Variants in SLC30A8 observed in about 807,000 individuals in gnomAD.
SLC30A8 encodes solute carrier family 30 member 8, also known as proton-coupled zinc antiporter SLC30A8.
SLC30A8 carries 27 observed loss-of-function variants against 36.9 expected under a neutral mutation model. That is an observed-to-expected ratio of 0.73 (90% confidence interval 0.54 to 1.01). The LOEUF is 1.01. Ranked by LOEUF, SLC30A8 falls within the 50% of genes least tolerant of loss-of-function variation. The probability of loss-of-function intolerance (pLI) is 0.00; values close to 1 mark genes in which losing one functional copy is unlikely to be tolerated. For synonymous variants in SLC30A8, 164 were observed against 172.4 expected (o/e 0.95, Z 0.38); for missense variants, 439 against 452.0 (o/e 0.97, Z 0.26).
At chr8:117,119,046 A>G (rs1423226721) in intron 2 of SLC30A8, among the ~76,000 whole-genome samples, 1 of 151,828 alleles carries the variant, frequency 6.6e-6, no homozygotes, top group Non-Finnish European at 1.5e-5. Flanking sequence ...TTTGGCTCCC[A>G]TGGTAAGGAA....
rs529353170 is a variant in SLC30A8, at chr8:117,062,810, G to A, written c.-226+23552G>A. 4.6e-5 allele frequency among the ~76,000 whole-genome samples: 7 copies of A among 152,324 alleles called. No individual in the cohort carries two copies. The East Asian group carries it at 1.2e-3, about 25-fold the overall frequency. On this transcript the variant is annotated intron_variant, in intron 2 of 10. Coordinates refer to the SLC30A8 transcript ENST00000427715. ...TCTTCCTCTCTCTTACTGCAGGGCC[G>A]AGTCTCTTTGATGGCTGTGATCTCA...
chr8:117,126,614 C>T (rs1435458263), intron 2 of SLC30A8, among the ~76,000 whole-genome samples: 1 of 151,854 alleles, frequency 6.6e-6, no homozygotes. Flanking sequence ...AAAATATATT[C>T]TTCACCCATG....
intron 1 of SLC30A8, among the ~76,000 whole-genome samples, chr8:117,027,490 T>G (rs1489282679): frequency 6.6e-6 from 1 of 152,228 alleles, no homozygotes; most frequent in East Asian, 1.9e-4. Flanking sequence ...GTTGTTTATT[T>G]ACTTGTTAAT....
intron 1 of SLC30A8, among the ~76,000 whole-genome samples, chr8:117,011,110 C>A (rs149437233): frequency 1.1e-3 from 161 of 152,192 alleles, no homozygotes; most frequent in Non-Finnish European, 1.8e-3. Context: ...GGCTACAGCC[C>A]GAGAGAACGA....
At chr8:117,171,624 C>T (rs1823392983) in intron 7 of SLC30A8, among the ~76,000 whole-genome samples, 1 of 152,110 alleles carries the variant, frequency 6.6e-6, no homozygotes, top group Non-Finnish European at 1.5e-5. Context: ...AATGGATGTG[C>T]TAATAGGAAT....
At chr8:117,008,912 C>T (rs946084328) in intron 1 of SLC30A8, among the ~76,000 whole-genome samples, 5 of 152,094 alleles carry the variant, frequency 3.3e-5, no homozygotes, top group Non-Finnish European at 5.9e-5. Context: ...GGCCCACATC[C>T]GGAGTGTCTA....
chr8:117,155,715 TCA>T (rs1822447513), intron 3 of SLC30A8, among the ~76,000 whole-genome samples: 1 of 152,236 alleles, frequency 6.6e-6, no homozygotes, highest in African/African-American at 2.4e-5. Flanking sequence ...ATTTATTGTC[TCA>T]CAGTTATGAG....
At chr8:117,019,605 T>C (rs1202257270) in intron 1 of SLC30A8, among the ~76,000 whole-genome samples, 1 of 152,194 alleles carries the variant, frequency 6.6e-6, no homozygotes, top group Non-Finnish European at 1.5e-5. Flanking sequence ...TCCTTCCTTC[T>C]TGAGGGCAAG....
At chr8:117,092,781 C>T (rs1819188064) in intron 2 of SLC30A8, among the ~76,000 whole-genome samples, 3 of 152,102 alleles carry the variant, frequency 2.0e-5, no homozygotes, top group Admixed American at 1.3e-4. Context: ...AGATAAGGCT[C>T]CCAAGGATGC....
At chr8:116,972,065 C>T (rs1814812694) in intron 1 of SLC30A8, among the ~76,000 whole-genome samples, 1 of 152,110 alleles carries the variant, frequency 6.6e-6, no homozygotes, top group Admixed American at 6.6e-5. Flanking sequence ...CTGCTTATTT[C>T]AAATACTATA....
intron 1 of SLC30A8, among the ~76,000 whole-genome samples, chr8:116,954,544 A>G (rs1814122172): frequency 6.6e-6 from 1 of 152,194 alleles, no homozygotes; most frequent in Non-Finnish European, 1.5e-5. Context: ...TAGACTAAAA[A>G]TATCTTTTAA....
chr8:117,136,243 A>G (rs916280205), intron 1 of SLC30A8, among the ~76,000 whole-genome samples: 4 of 152,136 alleles, frequency 2.6e-5, no homozygotes, highest in South Asian at 2.1e-4. Context: ...AGTTTTAAGG[A>G]AAGTTTCCCA....
intron 2 of SLC30A8, chr8:117,129,850 A>G (rs1172671372): frequency 2.0e-5 from 3 of 151,944 alleles, no homozygotes; most frequent in Non-Finnish European, 4.4e-5. Flanking sequence ...AATGTTTTCA[A>G]TAATGTTTTG....
intron 1 of SLC30A8, among the ~76,000 whole-genome samples, chr8:117,000,790 A>G (rs1208073847): frequency 6.6e-6 from 1 of 152,204 alleles, no homozygotes; most frequent in East Asian, 1.9e-4. Flanking sequence ...ACGTTACTAC[A>G]CGGTGGCTGT....
At chr8:116,961,168 G>T (rs191906555) in intron 1 of SLC30A8, among the ~76,000 whole-genome samples, 13 of 152,330 alleles carry the variant, frequency 8.5e-5, no homozygotes, top group African/African-American at 2.6e-4. Context: ...GGTGGCTCAC[G>T]CCTGTAATCC....
chr8:117,031,527 C>T (rs926712756), intron 1 of SLC30A8, among the ~76,000 whole-genome samples: 1 of 151,598 alleles, frequency 6.6e-6, no homozygotes, highest in Non-Finnish European at 1.5e-5. Flanking sequence ...TTGGCGCCAT[C>T]TCGGCTCATT....
upstream of SLC30A8, among the ~76,000 whole-genome samples, chr8:117,130,736 G>T (rs1324301129): frequency 6.6e-6 from 1 of 151,756 alleles, no homozygotes; most frequent in Non-Finnish European, 1.5e-5. Context: ...AAGCCAAAAG[G>T]CCATTGTTTT....
At chr8:117,129,888 T>C (rs1821059744) in intron 2 of SLC30A8, 1 of 151,964 alleles carries the variant, frequency 6.6e-6, no homozygotes, top group Non-Finnish European at 1.5e-5. Context: ...TAAATAAACA[T>C]TTTTGTTCTC....
rs1053293671 is a variant in SLC30A8, at chr8:117,176,348, A to G, written c.*3667A>G. 5.2e-5 allele frequency: 8 copies of G among 152,488 alleles called. No individual in the cohort carries two copies. Among genetic ancestry groups the G allele is most frequent in the Non-Finnish European group, 8.8e-5 (6 of 67,984 alleles). The allele number at this position is 152,488 out of a possible 1,614,324, so 9.4% of individuals were successfully genotyped here. A position where few individuals can be genotyped will look rare whatever the true frequency, so the allele number is the denominator to read the frequency against. On this transcript the variant is annotated 3_prime_UTR_variant, in exon 8 of 8. Coordinates refer to ENST00000456015, the MANE Select transcript of SLC30A8 (RefSeq NM_173851.3). Reference sequence around the variant, plus strand: ...AAAGAGACAAGCCTCATTTTCCACAATTAGCTCTAAAGTGCCTCCAGGAAA... The same window carrying G: ...AAAGAGACAAGCCTCATTTTCCACAGTTAGCTCTAAAGTGCCTCCAGGAAA...
Sources: allele counts gnomAD v4.1 joint callset (sites outside exome capture counted in the v4.1 genomes callset), GRCh38; gene constraint gnomAD v4.1.1; transcripts MANE v1.5; gene names NCBI Gene and HGNC (gene_info 2026-07-23, HGNC 2026-07-21).